The following OR5D3 variants were observed in gnomAD, a reference collection of about 807,000 sequenced individuals.
OR5D3 encodes olfactory receptor 5D3.
the OR5D3 span, chr11:55,726,779 G>C: frequency 5.0e-6 from 2 of 398,974 alleles, no homozygotes; most frequent in Non-Finnish European, 8.8e-6. Flanking sequence ...GCTGTGTCCT[G>C]CTCTGACCCC....
chr11:55,725,111 G>T, the OR5D3 span, among the ~76,000 whole-genome samples: 2 of 151,812 alleles, frequency 1.3e-5, no homozygotes, highest in Non-Finnish European at 2.9e-5. Flanking sequence ...ACTACTTAAG[G>T]TTTCTGAAAC....
At chr11:55,725,788 A>G in the OR5D3 span, among the ~76,000 whole-genome samples, 5 of 152,166 alleles carry the variant, frequency 3.3e-5, no homozygotes, top group Non-Finnish European at 7.4e-5. Flanking sequence ...ACATTTTACA[A>G]TTTGTTAAGA....
the OR5D3 span, chr11:55,723,998 T>C: frequency 2.5e-6 from 1 of 398,074 alleles, no homozygotes; most frequent in East Asian, 3.6e-5. Flanking sequence ...TTGGAGTTCG[T>C]TAATTTCAGC....
the OR5D3 span, chr11:55,729,264 G>A: frequency 6.6e-6 from 1 of 151,892 alleles, no homozygotes; most frequent in African/African-American, 2.4e-5. Context: ...TAATGTAAGT[G>A]AGTTTGCTAA....
At chr11:55,728,662 A>G in the OR5D3 span, 2 of 152,040 alleles carry the variant, frequency 1.3e-5, no homozygotes, top group African/African-American at 2.4e-5. Flanking sequence ...GTTTCCCCTC[A>G]AGGTTTATCT....
the OR5D3 span, chr11:55,726,922 G>A: frequency 1.0e-4 from 40 of 399,478 alleles, no homozygotes; most frequent in East Asian, 1.3e-3. Context: ...GCGCAAGAAA[G>A]CGTTCTCCAC....
the OR5D3 span, chr11:55,726,799 C>T: frequency 7.5e-6 from 3 of 398,948 alleles, no homozygotes; most frequent in Non-Finnish European, 1.3e-5. Flanking sequence ...CTACATGAGC[C>T]AGAAGGTCAT....
chr11:55,726,806 T>A, the OR5D3 span: 1 of 399,002 alleles, frequency 2.5e-6, no homozygotes, highest in Non-Finnish European at 4.4e-6. Flanking sequence ...AGCCAGAAGG[T>A]CATTTTAGTT....
At chr11:55,729,322 A>G in the OR5D3 span, 1 of 151,924 alleles carries the variant, frequency 6.6e-6, no homozygotes, top group Non-Finnish European at 1.5e-5. Flanking sequence ...CTACAAATAC[A>G]TTTGTATGCT....
At chr11:55,726,704 T>C in the OR5D3 span, 3 of 399,170 alleles carry the variant, frequency 7.5e-6, no homozygotes, top group South Asian at 3.8e-4. Flanking sequence ...TATTTTCTGT[T>C]GACTTTATCT....
At chr11:55,728,693 A>C in the OR5D3 span, 2 of 152,110 alleles carry the variant, frequency 1.3e-5, no homozygotes, top group Non-Finnish European at 2.9e-5. Flanking sequence ...ATAAAAATTC[A>C]ATAACTTTTT....
At chr11:55,725,014 T>G in the OR5D3 span, among the ~76,000 whole-genome samples, 1 of 152,078 alleles carries the variant, frequency 6.6e-6, no homozygotes, top group Admixed American at 6.6e-5. Flanking sequence ...ACTTCCATTT[T>G]GTGGGTTCAG....
chr11:55,729,495 C>A, the OR5D3 span: 1 of 151,764 alleles, frequency 6.6e-6, no homozygotes, highest in Non-Finnish European at 1.5e-5. Context: ...TATATCTGGA[C>A]CATTTTATGT....
At chr11:55,726,950 C>T in the OR5D3 span, 1 of 400,128 alleles carries the variant, frequency 2.5e-6, no homozygotes, top group Non-Finnish European at 4.4e-6. Flanking sequence ...TCCCACCTGA[C>T]CGCCATTACC....
the OR5D3 span, among the ~76,000 whole-genome samples, chr11:55,724,896 C>A: frequency 6.6e-6 from 1 of 151,916 alleles, no homozygotes; most frequent in East Asian, 1.9e-4. Flanking sequence ...CCTACAGGCA[C>A]AAGCTTGTGG....
the OR5D3 span, among the ~76,000 whole-genome samples, chr11:55,725,907 A>G: frequency 6.6e-6 from 1 of 152,070 alleles, no homozygotes; most frequent in African/African-American, 2.4e-5. Context: ...GATTCATGCA[A>G]ACTTAGAGTG....
At chr11:55,724,047 G>A in the OR5D3 span, 1 of 397,494 alleles carries the variant, frequency 2.5e-6, no homozygotes, top group Admixed American at 4.4e-5. Flanking sequence ...AGATGCCTCT[G>A]TATTTAGGTG....
the OR5D3 span, among the ~76,000 whole-genome samples, chr11:55,725,034 T>C: frequency 6.6e-6 from 1 of 152,164 alleles, no homozygotes; most frequent in African/African-American, 2.4e-5. Context: ...GGAAACTGAT[T>C]CTCTGCATTG....
the OR5D3 span, among the ~76,000 whole-genome samples, chr11:55,725,289 T>A: frequency 0.1 from 15,505 of 152,094 alleles, 960 homozygotes; most frequent in African/African-American, 0.16. Flanking sequence ...GGAAATGCCT[T>A]GTGGCATCAA....
Sources: allele counts gnomAD v4.1 joint callset (sites outside exome capture counted in the v4.1 genomes callset), GRCh38; gene constraint gnomAD v4.1.1; transcripts MANE v1.5; gene names NCBI Gene and HGNC (gene_info 2026-07-23, HGNC 2026-07-21).